Variants in MGAT5 observed in about 807,000 individuals in gnomAD.
The protein encoded by MGAT5 is alpha-1,6-mannosylglycoprotein 6-beta-N-acetylglucosaminyltransferase A.
MGAT5 carries 30 observed loss-of-function variants against 94.3 expected under a neutral mutation model. That is an observed-to-expected ratio of 0.32 (90% confidence interval 0.24 to 0.43). The LOEUF is 0.43. Ranked by LOEUF, MGAT5 falls within the 20% of genes least tolerant of loss-of-function variation. The pLI is 1.00. For synonymous variants in MGAT5, 310 were observed against 322.9 expected (o/e 0.96, Z 0.43); for missense variants, 691 against 905.5 (o/e 0.76, Z 3.04).
At chr2:134,122,124 G>C (rs1685623716) in intron 1 of MGAT5, among the ~76,000 whole-genome samples, 1 of 150,540 alleles carries the variant, frequency 6.6e-6, no homozygotes, top group Non-Finnish European at 1.5e-5. Context: ...TTTTTTTAAA[G>C]ATGGAGTTTT....
chr2:134,177,764 C>T (rs1240872309), intron 1 of MGAT5, among the ~76,000 whole-genome samples: 3 of 152,156 alleles, frequency 2.0e-5, no homozygotes, highest in Non-Finnish European at 2.9e-5. Context: ...CATGCAGGCT[C>T]GCAGTCAGCA....
At chr2:134,308,279 G>A (rs1686449529) in intron 2 of MGAT5, among the ~76,000 whole-genome samples, 1 of 152,076 alleles carries the variant, frequency 6.6e-6, no homozygotes. Context: ...GGTTACTTAA[G>A]GTTTAAACTA....
intron 1 of MGAT5, among the ~76,000 whole-genome samples, chr2:134,221,749 T>C (rs1316439116): frequency 6.6e-6 from 1 of 152,108 alleles, no homozygotes; most frequent in Non-Finnish European, 1.5e-5. Context: ...ATAAAACCCA[T>C]CTGGTGAGAA....
intron 10 of MGAT5, among the ~76,000 whole-genome samples, chr2:134,372,525 A>T (rs138464505): frequency 3.8e-4 from 58 of 152,346 alleles, no homozygotes; most frequent in African/African-American, 1.3e-3. Context: ...ATAAAGCCTC[A>T]GAGACATTTA....
intron 8 of MGAT5, among the ~76,000 whole-genome samples, chr2:134,348,066 A>G (rs1689022999): frequency 6.6e-6 from 1 of 152,236 alleles, no homozygotes; most frequent in Non-Finnish European, 1.5e-5. Context: ...CTTTTGCAGA[A>G]GAATATATAG....
intron 1 of MGAT5, among the ~76,000 whole-genome samples, chr2:134,143,344 T>C (rs978915042): frequency 1.3e-5 from 2 of 152,182 alleles, no homozygotes; most frequent in African/African-American, 4.8e-5. Context: ...GTTTTGTGGA[T>C]TTTATTAATA....
chr2:134,130,405 G>T (rs1251767710), intron 1 of MGAT5, among the ~76,000 whole-genome samples: 4 of 152,272 alleles, frequency 2.6e-5, no homozygotes, highest in Non-Finnish European at 4.4e-5. Flanking sequence ...GGCGCGGGGC[G>T]TGGGATTGGT....
intron 1 of MGAT5, among the ~76,000 whole-genome samples, chr2:134,202,142 A>C (rs1679820452): frequency 6.6e-6 from 1 of 152,058 alleles, no homozygotes; most frequent in Non-Finnish European, 1.5e-5. Context: ...AGCAGCCACT[A>C]TTCAAAACTT....
At chr2:134,133,362 T>C (rs1409934318) in intron 1 of MGAT5, among the ~76,000 whole-genome samples, 4 of 152,236 alleles carry the variant, frequency 2.6e-5, no homozygotes, top group Admixed American at 6.5e-5. Flanking sequence ...AACATTGTTA[T>C]TTATGTTGCA....
intron 1 of MGAT5, among the ~76,000 whole-genome samples, chr2:134,264,017 GTT>G (rs763608726): frequency 1.8e-5 from 2 of 108,938 alleles, no homozygotes; most frequent in Non-Finnish European, 1.8e-5. Context: ...ATGCCATTAG[GTT>G]TTTTTTTTTT....
chr2:134,164,322 T>G (rs914904184), intron 1 of MGAT5, among the ~76,000 whole-genome samples: 4 of 152,162 alleles, frequency 2.6e-5, no homozygotes, highest in Non-Finnish European at 5.9e-5. Flanking sequence ...ATTCAGTGAG[T>G]GATCAGTAGG....
chr2:134,324,762 G>C (rs1445222793), intron 4 of MGAT5, among the ~76,000 whole-genome samples: 1 of 152,026 alleles, frequency 6.6e-6, no homozygotes, highest in Non-Finnish European at 1.5e-5. Flanking sequence ...GTGGGTCAGG[G>C]AGTACTTTAA....
At chr2:134,129,807 C>T (rs546829680) in intron 1 of MGAT5, among the ~76,000 whole-genome samples, 1 of 152,304 alleles carries the variant, frequency 6.6e-6, no homozygotes, top group South Asian at 2.1e-4. Flanking sequence ...CGCTCGCTCT[C>T]AGCACCTCCT....
chr2:134,205,194 C>T (rs1679969672), intron 1 of MGAT5, among the ~76,000 whole-genome samples: 1 of 152,160 alleles, frequency 6.6e-6, no homozygotes, highest in Non-Finnish European at 1.5e-5. Flanking sequence ...TTGGAGTTTG[C>T]TTGTAGCCAG....
intron 2 of MGAT5, among the ~76,000 whole-genome samples, chr2:134,281,924 A>G (rs1368737986): frequency 6.6e-6 from 1 of 152,244 alleles, no homozygotes; most frequent in Non-Finnish European, 1.5e-5. Context: ...GGGTCGAGGC[A>G]AGGAGAAGAT....
At chr2:134,256,748 G>A (rs962286180) in intron 1 of MGAT5, among the ~76,000 whole-genome samples, 7 of 152,060 alleles carry the variant, frequency 4.6e-5, no homozygotes, top group Non-Finnish European at 1.0e-4. Flanking sequence ...ACTTACTTTC[G>A]TAGATGAACC....
At position 134,346,796 on chromosome 2, in the gene MGAT5, C is replaced by T. The variant is rs188462248; in HGVS notation, c.1112+1732C>T. Among the ~76,000 whole-genome samples, 85 of 152,248 alleles carry T rather than the reference C, an allele frequency of 5.6e-4. 1 individual carries two copies. Among genetic ancestry groups the T allele is most frequent in the Non-Finnish European group, 6.6e-4 (45 of 68,010 alleles). The stretch of plus-strand genomic sequence containing the variant: ...GTATTCTGCTAGGTACTGCAAAGCT[C>T]ATACGCATTTTACTTCCTACAAGGC... On this transcript the variant is annotated intron_variant, in intron 8 of 15. Transcript: ENST00000281923.
chr2:134,208,142 C>A (rs1680109175), intron 1 of MGAT5, among the ~76,000 whole-genome samples: 1 of 145,324 alleles, frequency 6.9e-6, no homozygotes, highest in East Asian at 2.0e-4. Flanking sequence ...CTTGGCCGAA[C>A]TTTTTTTTTT....
chr2:134,160,962 C>A (rs115257047), intron 1 of MGAT5, among the ~76,000 whole-genome samples: 2 of 152,186 alleles, frequency 1.3e-5, no homozygotes, highest in African/African-American at 4.8e-5. Flanking sequence ...TCTGCCAGGA[C>A]GATCTAAGCA....
Sources: gnomAD v4.1 joint callset for allele counts (sites outside exome capture counted in the v4.1 genomes callset) on GRCh38, gnomAD v4.1.1 for gene constraint, MANE v1.5 for transcripts, NCBI Gene and HGNC (gene_info 2026-07-23, HGNC 2026-07-21) for gene names.